PAPPA2: variants seen among roughly 807,000 people sequenced by gnomAD.
PAPPA2 encodes the protein pappalysin 2.
In PAPPA2, 86 loss-of-function variants were observed where a neutral mutation model predicts 176.4. The observed-to-expected ratio is 0.49, with a 90% CI of 0.41 to 0.58. The LOEUF is 0.58. Among genes scored for constraint, PAPPA2 ranks in the 20% least tolerant of loss-of-function variants. The pLI is 0.00. For missense variants in PAPPA2, 2,073 were observed against 2,256.9 expected (o/e 0.92, Z 1.65); for synonymous variants, 809 against 852.2 (o/e 0.95, Z 0.88).
chr1:176,784,476 T>C (rs1224124972), intron 17 of PAPPA2, among the ~76,000 whole-genome samples: 1 of 152,172 alleles, frequency 6.6e-6, no homozygotes, highest in Non-Finnish European at 1.5e-5. Context: ...ACACCATAGA[T>C]GGGTGGCTTA....
intron 1 of PAPPA2, among the ~76,000 whole-genome samples, chr1:176,542,831 T>C (rs1650434291): frequency 6.6e-6 from 1 of 152,214 alleles, no homozygotes; most frequent in Non-Finnish European, 1.5e-5. Context: ...TAGGGGCATA[T>C]CTGTTTTGAA....
chr1:176,568,244 C>A (rs1268358022), intron 2 of PAPPA2, among the ~76,000 whole-genome samples: 7 of 152,134 alleles, frequency 4.6e-5, no homozygotes, highest in Non-Finnish European at 1.0e-4. Context: ...GATAAAGTAA[C>A]AGAAATATAA....
At chr1:176,794,620 A>T (rs1449523490) in intron 20 of PAPPA2, among the ~76,000 whole-genome samples, 2 of 152,154 alleles carry the variant, frequency 1.3e-5, no homozygotes, top group East Asian at 3.8e-4. Context: ...AACTGTGCTG[A>T]GAAAGGAACT....
At chr1:176,529,200 G>A (rs2102549127) in intron 1 of PAPPA2, among the ~76,000 whole-genome samples, 1 of 152,220 alleles carries the variant, frequency 6.6e-6, no homozygotes, top group Non-Finnish European at 1.5e-5. Context: ...ATTTGGTGAA[G>A]TGCATTTGAG....
chr1:176,828,461 T>G (rs1282341697), intron 21 of PAPPA2, among the ~76,000 whole-genome samples: 1 of 151,488 alleles, frequency 6.6e-6, no homozygotes. Context: ...AAAATAAAAA[T>G]ATACTTTATG....
At chr1:176,676,482 T>G (rs552404914) in intron 4 of PAPPA2, among the ~76,000 whole-genome samples, 2 of 151,896 alleles carry the variant, frequency 1.3e-5, no homozygotes, top group South Asian at 4.2e-4. Context: ...ATCTCAAAAC[T>G]TACATGGTGT....
chr1:176,478,389 G>A (rs1652237497), intron 1 of PAPPA2, among the ~76,000 whole-genome samples: 1 of 152,258 alleles, frequency 6.6e-6, no homozygotes, highest in Non-Finnish European at 1.5e-5. Context: ...CTACTTGTTA[G>A]TTGTGTGCCC....
chr1:176,797,184 G>A (rs368863110), intron 20 of PAPPA2, among the ~76,000 whole-genome samples: 1 of 152,146 alleles, frequency 6.6e-6, no homozygotes, highest in East Asian at 1.9e-4. Context: ...TAGGGAGGAA[G>A]GAAGTATAAT....
chr1:176,747,163 C>G (rs961708048), intron 14 of PAPPA2, among the ~76,000 whole-genome samples: 3 of 152,176 alleles, frequency 2.0e-5, no homozygotes. Flanking sequence ...TCCTGCCACC[C>G]TCTCTCAAAT....
At position 176,697,330 on chromosome 1, in the gene PAPPA2, G is replaced by A. The variant is rs538429212; in HGVS notation, c.2746+1471G>A. Among the ~76,000 whole-genome samples, 23 of 152,148 alleles carry A rather than the reference G, an allele frequency of 1.5e-4. 1 individual carries two copies. The highest frequency in any genetic ancestry group is 5.1e-4 in the African/African-American group (21 of 41,492). On this transcript the variant is annotated intron_variant, in intron 7 of 22. Coordinates refer to ENST00000367662, the MANE Select transcript of PAPPA2 (RefSeq NM_020318.3). ...GACCTTTATGCTGCTAGTATTGGGGGCTTAATAATAATTATCAGACAAAAT... is the reference window on the plus strand; with the variant it reads ...GACCTTTATGCTGCTAGTATTGGGGACTTAATAATAATTATCAGACAAAAT...
intron 3 of PAPPA2, among the ~76,000 whole-genome samples, chr1:176,647,920 T>A (rs1657504499): frequency 6.6e-6 from 1 of 151,736 alleles, no homozygotes; most frequent in South Asian, 2.1e-4. Flanking sequence ...GCTTTGGCTA[T>A]TTGGGGTCTT....
chr1:176,605,842 T>C (rs1176066158), intron 3 of PAPPA2, among the ~76,000 whole-genome samples: 3 of 152,190 alleles, frequency 2.0e-5, no homozygotes, highest in Non-Finnish European at 2.9e-5. Context: ...TAGAATGAGC[T>C]GGTTTTTCAT....
rs373537575 is a variant in PAPPA2, at chr1:176,690,361, C to A, written c.2362C>A (p.Pro788Thr). 1 of 1,614,032 alleles carries A rather than the reference C, an allele frequency of 6.2e-7. No homozygotes were observed. The highest frequency in any genetic ancestry group is 1.3e-5 in the African/African-American group (1 of 74,908). ...PKSELCREPE[P>T]TSDTCGFTRF... ...GAGTGAGCTGTGCCGGGAACCAGAGCCCACTAGTGACACCTGTGGCTTCAC... is the reference window on the plus strand; with the variant it reads ...GAGTGAGCTGTGCCGGGAACCAGAGACCACTAGTGACACCTGTGGCTTCAC... Residue 788 changes from proline (P) to threonine (T), a missense_variant, in exon 5 of 23, where the codon CCC becomes ACC. By Grantham distance (38) the Pro-to-Thr change is conservative. Transcript: ENST00000367662.
chr1:176,543,826 G>A (rs969702190), intron 1 of PAPPA2, among the ~76,000 whole-genome samples: 2 of 152,154 alleles, frequency 1.3e-5, no homozygotes, highest in Non-Finnish European at 2.9e-5. Flanking sequence ...TTCCAATGAC[G>A]TGTGATCTGT....
At chr1:176,806,820 G>A (rs1665926467) in intron 21 of PAPPA2, among the ~76,000 whole-genome samples, 1 of 152,132 alleles carries the variant, frequency 6.6e-6, no homozygotes, top group African/African-American at 2.4e-5. Context: ...TTCTGGGAAT[G>A]TTTTGCCTTC....
In PAPPA2 at chr1:176,730,812, G is replaced by C. The variant is rs148247136; in HGVS notation, c.3799-8814G>C. ...ATAAGGATTTTATTGTCATTCAGTC[G>C]TAAGTATTTTGTAATGCTCTTATAA... On this transcript the variant is annotated intron_variant, in intron 12 of 22. Transcript: ENST00000367662. 1.6e-4 allele frequency among the ~76,000 whole-genome samples: 25 copies of C among 151,978 alleles called. 1 individual carries two copies. The highest frequency in any genetic ancestry group is 6.8e-3 in the Middle Eastern group (2 of 294).
intron 3 of PAPPA2, among the ~76,000 whole-genome samples, chr1:176,663,658 C>T (rs1273229914): frequency 1.3e-5 from 2 of 151,798 alleles, no homozygotes; most frequent in African/African-American, 4.8e-5. Context: ...TTTCATTATT[C>T]CCATCTTACA....
chr1:176,544,777 A>C (rs1650541144), intron 1 of PAPPA2, among the ~76,000 whole-genome samples: 1 of 152,140 alleles, frequency 6.6e-6, no homozygotes, highest in African/African-American at 2.4e-5. Flanking sequence ...CCTGGCTACA[A>C]ATCTGAGGTT....
In PAPPA2 at chr1:176,634,947, G is replaced by GTAGA. The variant is rs60518024; in HGVS notation, c.1992-36008_1992-36005dup. Among the ~76,000 whole-genome samples, 33 of 144,878 alleles carry GTAGA rather than the reference G, an allele frequency of 2.3e-4. 1 individual carries two copies. Among genetic ancestry groups the GTAGA allele is most frequent in the Non-Finnish European group, 3.8e-4 (25 of 66,268 alleles). ...TGATGATGATGATGATAGATGATAG[G>GTAGA]TAGATAGATAGATAGATAAATAGAT... On this transcript the variant is annotated intron_variant, in intron 3 of 22. Coordinates refer to ENST00000367662, the MANE Select transcript of PAPPA2 (RefSeq NM_020318.3).
Sources: gnomAD v4.1 joint callset for allele counts (sites outside exome capture counted in the v4.1 genomes callset) on GRCh38, gnomAD v4.1.1 for gene constraint, MANE v1.5 for transcripts, NCBI Gene and HGNC (gene_info 2026-07-23, HGNC 2026-07-21) for gene names.